Variants in PRDM11 observed in about 807,000 individuals in gnomAD.
PRDM11 encodes PR/SET domain 11, also known as PR domain-containing protein 11.
Under a neutral mutation model 97.8 loss-of-function variants are expected in PRDM11, and 20 were observed. The ratio of observed to expected loss-of-function variants is 0.20; its 90% CI spans 0.14 to 0.30. PRDM11 has a LOEUF of 0.30. Ranked by LOEUF, PRDM11 falls within the 10% of genes least tolerant of loss-of-function variation. The pLI, the probability that PRDM11 is intolerant of heterozygous loss-of-function variation, is 1.00. For missense variants in PRDM11, 1,139 were observed against 1,555.2 expected (o/e 0.73, Z 4.50); for synonymous variants, 599 against 637.7 (o/e 0.94, Z 0.91).
intron 1 of PRDM11, among the ~76,000 whole-genome samples, chr11:45,122,420 A>T (rs995327153): frequency 7.3e-5 from 11 of 151,446 alleles, no homozygotes; most frequent in Non-Finnish European, 1.6e-4. Context: ...TACATATGCC[A>T]TGTTGGTGTA....
At chr11:45,127,313 T>C (rs1046183952) in intron 1 of PRDM11, among the ~76,000 whole-genome samples, 1 of 152,248 alleles carries the variant, frequency 6.6e-6, no homozygotes, top group Non-Finnish European at 1.5e-5. Flanking sequence ...AGTTTGATCA[T>C]CTGAAGCCTT....
chr11:45,216,614 G>GATTC (rs1474023604), intron 5 of PRDM11, among the ~76,000 whole-genome samples: 2 of 152,076 alleles, frequency 1.3e-5, no homozygotes, highest in Non-Finnish European at 2.9e-5. Context: ...TCTTGTCAGG[G>GATTC]GAATGGGTTG....
upstream of PRDM11, among the ~76,000 whole-genome samples, chr11:45,094,685 T>TGGAA (rs762833302): frequency 0.13 from 8,883 of 68,034 alleles, 534 homozygotes; most frequent in Non-Finnish European, 0.17. Context: ...GATGGAAGGA[T>TGGAA]GGAAGGAAGG....
chr11:45,182,429 G>T, intron 3 of PRDM11, 80 bp downstream of exon 3: 5 of 1,312,564 alleles, frequency 3.8e-6, no homozygotes, highest in Non-Finnish European at 3.2e-6. Context: ...TCACAACAAT[G>T]CTACTAAGAT....
intron 1 of PRDM11, among the ~76,000 whole-genome samples, chr11:45,134,635 G>A (rs1329217121): frequency 7.2e-6 from 1 of 138,748 alleles, no homozygotes. Context: ...GGAGGTCGAG[G>A]CTGCAGTGAG....
intron 1 of PRDM11, among the ~76,000 whole-genome samples, chr11:45,117,480 C>T (rs970098485): frequency 6.6e-6 from 1 of 152,170 alleles, no homozygotes; most frequent in African/African-American, 2.4e-5. Flanking sequence ...GAGTGTGGTG[C>T]TAATGCCTGT....
chr11:45,109,484 G>A (rs907117286), intron 1 of PRDM11, among the ~76,000 whole-genome samples: 1 of 152,192 alleles, frequency 6.6e-6, no homozygotes, highest in African/African-American at 2.4e-5. Flanking sequence ...CAGATGAAAA[G>A]AGTCCTAATT....
intron 1 of PRDM11, among the ~76,000 whole-genome samples, chr11:45,161,343 T>C (rs1851923010): frequency 6.6e-6 from 1 of 152,216 alleles, no homozygotes; most frequent in Non-Finnish European, 1.5e-5. Context: ...GTGACGGCTT[T>C]GTCCCGCTGT....
In PRDM11 at chr11:45,227,799, C is replaced by T. The variant is rs973510762; in HGVS notation, c.3174C>T (p.Ile1058=). 3.3e-6 allele frequency: 5 copies of T among 1,533,924 alleles called. No individual in the cohort carries two copies. The highest frequency in any genetic ancestry group is 4.4e-6 in the Non-Finnish European group (5 of 1,146,730). The change falls in exon 8 of 8, where the codon ATC becomes ATT. Residue 1058 remains isoleucine (I), a synonymous_variant. Transcript: ENST00000683152. The surrounding 1 kb of genome is among the most constrained non-coding windows in gnomAD (Gnocchi z 8.0). ...CCAAAAATGGCTTCAAAGACCTGAT[C>T]AGCCACATTTGCAAGTACAAACAGA... is the stretch of plus-strand genomic sequence containing the variant. The part of the protein sequence containing the change: ...YYTKNGFKDL[I]SHICKYKQRF...
chr11:45,164,411 C>G (rs1465716471), intron 1 of PRDM11, among the ~76,000 whole-genome samples: 3 of 152,270 alleles, frequency 2.0e-5, no homozygotes, highest in Non-Finnish European at 4.4e-5. Flanking sequence ...GCATAAATTA[C>G]TCGGCAGCCT....
intron 1 of PRDM11, among the ~76,000 whole-genome samples, chr11:45,108,801 C>T (rs184577908): frequency 2.6e-5 from 4 of 152,326 alleles, no homozygotes; most frequent in Admixed American, 2.6e-4. Context: ...CCTGAAATAC[C>T]CACTAATGCC....
upstream of PRDM11, among the ~76,000 whole-genome samples, chr11:45,095,156 T>C (rs112298079): frequency 0.013 from 1,916 of 152,232 alleles, 37 homozygotes; most frequent in African/African-American, 0.044. Flanking sequence ...TCTGAAGCTG[T>C]GTCACTGGCT....
chr11:45,168,168 C>T (rs1056946826), intron 1 of PRDM11, among the ~76,000 whole-genome samples: 1 of 152,032 alleles, frequency 6.6e-6, no homozygotes, highest in Non-Finnish European at 1.5e-5. Flanking sequence ...CAGGATGGAA[C>T]AGCGAGGGAG....
At chr11:45,120,682 CA>C (rs1852409487) in intron 1 of PRDM11, among the ~76,000 whole-genome samples, 1 of 149,858 alleles carries the variant, frequency 6.7e-6, no homozygotes, top group South Asian at 2.1e-4. Context: ...CACAATAAAT[CA>C]AAAGAGAGTC....
At chr11:45,119,382 C>T (rs533423476) in intron 1 of PRDM11, among the ~76,000 whole-genome samples, 6 of 152,176 alleles carry the variant, frequency 3.9e-5, no homozygotes, top group South Asian at 2.1e-4. Context: ...AATCCCAGCA[C>T]TTTGGGAGGC....
intron 1 of PRDM11, among the ~76,000 whole-genome samples, chr11:45,160,847 G>A (rs1279632866): frequency 2.0e-5 from 3 of 152,168 alleles, no homozygotes; most frequent in African/African-American, 7.2e-5. Flanking sequence ...CCATTTTAGA[G>A]CCAGAGAGAA....
intron 1 of PRDM11, among the ~76,000 whole-genome samples, chr11:45,117,829 G>A (rs944056289): frequency 3.9e-5 from 6 of 152,154 alleles, no homozygotes; most frequent in South Asian, 2.1e-4. Context: ...ACTTCGTTCC[G>A]ACGAGTACAG....
At chr11:45,125,994 T>C (rs546527672) in intron 1 of PRDM11, among the ~76,000 whole-genome samples, 1,832 of 152,340 alleles carry the variant, frequency 0.012, 15 homozygotes, top group Non-Finnish European at 0.02. Flanking sequence ...TGTAGTTCAC[T>C]CAGGACTTGC....
In PRDM11 at chr11:45,154,137, T is replaced by A. The variant is rs1055359103; in HGVS notation, c.-7+7260T>A. Among the ~76,000 whole-genome samples the A allele has an allele frequency of 2.0e-5, 3 of 152,152 alleles. No individual in the cohort carries two copies. In the East Asian group the frequency reaches 5.8e-4, roughly 29 times the overall value. On this transcript the variant is annotated intron_variant, in intron 1 of 7. Transcript: ENST00000683152. ...TGGGAGGCTGAGGTGGGAGGATCGC[T>A]TGAGTCCAGGAGTTTGAGACCAGCC...
Sources: gnomAD v4.1 joint callset for allele counts (sites outside exome capture counted in the v4.1 genomes callset) on GRCh38, gnomAD v4.1.1 for gene constraint, Gnocchi (gnomAD v3.1) non-coding constraint, MANE v1.5 for transcripts, NCBI Gene and HGNC (gene_info 2026-07-23, HGNC 2026-07-21) for gene names.